Variants in ANKS1B observed in about 807,000 individuals in gnomAD.
The protein encoded by ANKS1B is ankyrin repeat and sterile alpha motif domain containing 1B, also known as ankyrin repeat and sterile alpha motif domain-containing protein 1B.
A neutral mutation model predicts 148.3 loss-of-function variants in ANKS1B; 36 were observed. The ratio of observed to expected loss-of-function variants is 0.24; its 90% confidence interval spans 0.19 to 0.32. The LOEUF is 0.32. Among genes scored for constraint, ANKS1B ranks in the 10% least tolerant of loss-of-function variants. The pLI, the probability that ANKS1B is intolerant of heterozygous loss-of-function variation, is 1.00. For missense variants in ANKS1B, 1,157 were observed against 1,542.6 expected (o/e 0.75, Z 4.19); for synonymous variants, 542 against 560.8 (o/e 0.97, Z 0.47).
At chr12:98,752,995 A>T (rs2098132737) in intron 25 of ANKS1B, among the ~76,000 whole-genome samples, 1 of 152,178 alleles carries the variant, frequency 6.6e-6, no homozygotes, top group Non-Finnish European at 1.5e-5. Flanking sequence ...GTGAGCACGC[A>T]AACAGTGCTC....
chr12:99,874,676 G>A (rs1008797117), intron 1 of ANKS1B, among the ~76,000 whole-genome samples: 3 of 152,136 alleles, frequency 2.0e-5, no homozygotes, highest in Non-Finnish European at 4.4e-5. Flanking sequence ...AATTCTCAGG[G>A]AGTATTAGAT....
At chr12:99,333,596 G>A (rs992167751) in intron 12 of ANKS1B, among the ~76,000 whole-genome samples, 1 of 151,972 alleles carries the variant, frequency 6.6e-6, no homozygotes, top group African/African-American at 2.4e-5. Context: ...TGTGGAAGCC[G>A]CTGCATGCCT....
chr12:98,827,262 T>C (rs2099256535), intron 19 of ANKS1B, among the ~76,000 whole-genome samples: 1 of 152,100 alleles, frequency 6.6e-6, no homozygotes, highest in Non-Finnish European at 1.5e-5. Flanking sequence ...AGAAGTGCTG[T>C]ATTGAACAGC....
intron 1 of ANKS1B, among the ~76,000 whole-genome samples, chr12:99,892,801 G>A (rs1037443234): frequency 3.9e-5 from 6 of 152,130 alleles, no homozygotes; most frequent in Non-Finnish European, 7.3e-5. Context: ...TCCAAGCTAC[G>A]GTTGAGGGTG....
At chr12:99,531,432 G>A (rs2096989472) in intron 9 of ANKS1B, among the ~76,000 whole-genome samples, 1 of 152,078 alleles carries the variant, frequency 6.6e-6, no homozygotes, top group African/African-American at 2.4e-5. Flanking sequence ...CTATAACTTA[G>A]CTTCCAATTA....
intron 17 of ANKS1B, among the ~76,000 whole-genome samples, chr12:98,909,761 C>T (rs2099784246): frequency 6.6e-6 from 1 of 152,192 alleles, no homozygotes; most frequent in Non-Finnish European, 1.5e-5. Flanking sequence ...ACCAGCTAGC[C>T]AGGTAGATGC....
chr12:98,821,397 G>C (rs2099189284), intron 19 of ANKS1B, among the ~76,000 whole-genome samples: 1 of 152,192 alleles, frequency 6.6e-6, no homozygotes. Flanking sequence ...CTGTTCATGG[G>C]AGGAGGTGCC....
intron 4 of ANKS1B, among the ~76,000 whole-genome samples, chr12:99,787,757 C>T (rs544357814): frequency 6.6e-6 from 1 of 152,228 alleles, no homozygotes; most frequent in South Asian, 2.1e-4. Context: ...ACGGGCGCTG[C>T]CCCTCTCCCA....
intron 15 of ANKS1B, among the ~76,000 whole-genome samples, chr12:99,108,273 A>C (rs1011434194): frequency 7.2e-5 from 11 of 152,256 alleles, no homozygotes; most frequent in African/African-American, 2.7e-4. Context: ...CAGTGATCAC[A>C]ATGCATTTTA....
At chr12:99,389,427 G>A (rs1184169100) in intron 12 of ANKS1B, among the ~76,000 whole-genome samples, 1 of 152,116 alleles carries the variant, frequency 6.6e-6, no homozygotes, top group African/African-American at 2.4e-5. Flanking sequence ...GGGGAAGGAG[G>A]GGATTTTCTC....
At chr12:99,395,647 G>A (rs34451674) in intron 12 of ANKS1B, among the ~76,000 whole-genome samples, 13,478 of 152,040 alleles carry the variant, frequency 0.089, 1,791 homozygotes, top group African/African-American at 0.29. Flanking sequence ...AGTTAAATGT[G>A]AACCTATTTA....
At chr12:99,340,037 T>C (rs968441758) in intron 12 of ANKS1B, among the ~76,000 whole-genome samples, 3 of 152,300 alleles carry the variant, frequency 2.0e-5, no homozygotes, top group Middle Eastern at 3.4e-3. Flanking sequence ...TATGGGGTCA[T>C]ATTGACAGGA....
intron 4 of ANKS1B, among the ~76,000 whole-genome samples, chr12:99,800,270 A>T (rs764622887): frequency 3.2e-4 from 49 of 152,044 alleles, no homozygotes; most frequent in Non-Finnish European, 5.0e-4. Context: ...TATAACAAGA[A>T]GGCAGCCATC....
intron 10 of ANKS1B, among the ~76,000 whole-genome samples, chr12:99,495,530 C>T (rs2152981439): frequency 6.6e-6 from 1 of 152,274 alleles, no homozygotes; most frequent in African/African-American, 2.4e-5. Flanking sequence ...TCTCTCTTTG[C>T]CCATCCATGA....
At chr12:99,325,829 G>A (rs960889145) in intron 12 of ANKS1B, among the ~76,000 whole-genome samples, 2 of 152,058 alleles carry the variant, frequency 1.3e-5, no homozygotes, top group African/African-American at 4.8e-5. Context: ...AGCAAAAGTG[G>A]ACCAGTGTAT....
intron 15 of ANKS1B, among the ~76,000 whole-genome samples, chr12:99,118,667 A>C (rs2061982976): frequency 6.6e-6 from 1 of 152,238 alleles, no homozygotes; most frequent in Middle Eastern, 3.2e-3. Flanking sequence ...TGCTCAAATC[A>C]AGTACTATGC....
intron 3 of ANKS1B, 150 bp downstream of exon 3, chr12:99,812,005 C>T: frequency 3.4e-6 from 3 of 888,448 alleles, no homozygotes; most frequent in Non-Finnish European, 4.9e-6. Context: ...TATCCAAACA[C>T]CAAAGAATTT....
intron 10 of ANKS1B, among the ~76,000 whole-genome samples, chr12:99,462,448 T>TC (rs2152861363): frequency 6.6e-6 from 1 of 152,304 alleles, no homozygotes; most frequent in Admixed American, 6.5e-5. Context: ...CCAGCTGCCA[T>TC]TTCTGGCTTC....
chr12:98,945,505 CAA>C lies in ANKS1B; in HGVS notation c.2778+107650_2778+107651del, dbSNP rs3051086. 5.1e-3 allele frequency among the ~76,000 whole-genome samples: 154 copies of C among 30,270 alleles called. 3 individuals carry two copies. Among genetic ancestry groups the C allele is most frequent in the East Asian group, 0.016 (18 of 1,112 alleles). The allele number at this position is 30,270 out of a possible 152,430, so 19.9% of individuals were successfully genotyped here. A position where few individuals can be genotyped will look rare whatever the true frequency, so the allele number is the denominator to read the frequency against. ...GCCAGACCCTGTCTCAACAAACAAACAAAAAAAAAAAAAAAAAAAAAAAAAAA... is the reference window on the plus strand; with the variant it reads ...GCCAGACCCTGTCTCAACAAACAAACAAAAAAAAAAAAAAAAAAAAAAAAA... On this transcript the variant is annotated intron_variant, in intron 17 of 26. Coordinates refer to ENST00000683438, the MANE Select transcript of ANKS1B (RefSeq NM_001352186.2).
Sources: allele counts gnomAD v4.1 joint callset (sites outside exome capture counted in the v4.1 genomes callset), GRCh38; gene constraint gnomAD v4.1.1; transcripts MANE v1.5; gene names NCBI Gene and HGNC (gene_info 2026-07-23, HGNC 2026-07-21).